OCRL: variants seen among roughly 807,000 people sequenced by gnomAD.
OCRL encodes inositol polyphosphate 5-phosphatase OCRL.
OCRL carries 8 observed loss-of-function variants against 78.9 expected under a neutral mutation model. The ratio of observed to expected loss-of-function variants is 0.10; its 90% confidence interval spans 0.06 to 0.18. The LOEUF is 0.18. Ranked by LOEUF, OCRL falls within the 10% of genes least tolerant of loss-of-function variation. OCRL has a pLI of 1.00. For synonymous variants in OCRL, 240 were observed against 235.4 expected, an observed-to-expected ratio of 1.02 and a Z score of -0.18; for missense variants, 454 against 696.7, an observed-to-expected ratio of 0.65 and a Z score of 3.92.
chrX:129,554,818 C>T (rs1392321624), intron 4 of OCRL, among the ~76,000 whole-genome samples: 2 of 108,648 alleles, frequency 1.8e-5, no homozygotes, highest in South Asian at 4.0e-4. Context: ...TGGGTGTGGT[C>T]GTGCGTGCCT....
chrX:129,587,674 C>T (rs1243772563), intron 20 of OCRL, among the ~76,000 whole-genome samples: 1 of 110,048 alleles, frequency 9.1e-6, no homozygotes, highest in Non-Finnish European at 1.9e-5. Context: ...CCTTCCCCAG[C>T]GTTCAGTAGT....
chrX:129,558,748 T>G lies in OCRL; in HGVS notation c.555T>G (p.Asn185Lys). 1 of 1,212,339 alleles carries G rather than the reference T, an allele frequency of 8.2e-7. No homozygotes were observed. Among genetic ancestry groups the G allele is most frequent in the Non-Finnish European group, 1.1e-6 (1 of 895,577 alleles). The change falls in exon 7 of 24, where the codon AAT becomes AAG. Residue 185 changes from asparagine (N) to lysine (K), a missense_variant. Physicochemically the swap from Asn to Lys is moderately conservative, Grantham distance 94 (BLOSUM62 0). Transcript: ENST00000371113. ...CCCCACCTCCACCCTTTTCAGTGAA[T>G]AAAATGTAAGTCCCATGTGAAAACA... ...REPPPPPFSV[N>K]KMLPREKEAS...
chrX:129,591,403 C>G lies in OCRL; in HGVS notation c.*1133C>G, dbSNP rs1233770526. On this transcript the variant is annotated 3_prime_UTR_variant, in exon 24 of 24. Coordinates refer to ENST00000371113, the MANE Select transcript of OCRL (RefSeq NM_000276.4). ...CCATATCCAGTGTTGTGTAAAGAGA[C>G]TGGCCAACAGGACCAACCAAGCACC... 1.8e-5 allele frequency: 2 copies of G among 112,176 alleles called. No individual in the cohort carries two copies. Among genetic ancestry groups the G allele is most frequent in the Non-Finnish European group, 3.8e-5 (2 of 53,222 alleles). 9.2% of individuals were successfully genotyped at this position (112,176 alleles called of 1,213,427 possible).
At chrX:129,571,121 T>C (rs765367797) in intron 15 of OCRL, among the ~76,000 whole-genome samples, 1 of 112,117 alleles carries the variant, frequency 8.9e-6, no homozygotes, top group African/African-American at 3.2e-5. Context: ...ACAATACCTC[T>C]ATAATTCTAT....
chrX:129,540,796 C>A lies in OCRL; in HGVS notation c.92C>A (p.Thr31Asn). ...KGPLREPCAL[T>N]LAQRNGQYEL... ...CCTCTCCGGGAGCCCTGCGCCCTGA[C>A]CCTAGCCCAGAGGAACGGGCAATAT... The change falls in exon 2 of 24, where the codon ACC becomes AAC. Residue 31 changes from threonine (T) to asparagine (N), a missense_variant. This residue lies in a region of OCRL where 177 missense variants were observed against 179.6 expected (regional missense o/e 0.99). Transcript: ENST00000371113. The A allele has an allele frequency of 8.3e-7, 1 of 1,209,597 alleles. No individual in the cohort carries two copies. Among genetic ancestry groups the A allele is most frequent in the Non-Finnish European group, 1.1e-6 (1 of 893,379 alleles).
chrX:129,568,498 A>G (rs960759908), intron 14 of OCRL, among the ~76,000 whole-genome samples: 13 of 111,836 alleles, frequency 1.2e-4, no homozygotes, highest in African/African-American at 3.9e-4. Context: ...ATGAAGTGAC[A>G]CTGTTAGATC....
rs760928812 is a variant in OCRL, at chrX:129,588,758, A to G, written c.2342-128A>G. On this transcript the variant is annotated intron_variant, in intron 21 of 23. Coordinates refer to ENST00000371113, the MANE Select transcript of OCRL (RefSeq NM_000276.4). ...TGAATCAATAAAATATCAAACCCCCATTAGGATCAATGTGCCCTGAATAAG... is the reference window on the plus strand; with the variant it reads ...TGAATCAATAAAATATCAAACCCCCGTTAGGATCAATGTGCCCTGAATAAG... 558 of 800,161 alleles carry G rather than the reference A, an allele frequency of 7.0e-4. 1 individual carries two copies. Among genetic ancestry groups the G allele is most frequent in the Non-Finnish European group, 9.0e-4 (482 of 535,484 alleles). 65.9% of individuals were successfully genotyped at this position (800,161 alleles called of 1,213,427 possible).
chrX:129,552,215 G>A (rs1170761137), intron 4 of OCRL, among the ~76,000 whole-genome samples: 1 of 111,597 alleles, frequency 9.0e-6, no homozygotes, highest in Non-Finnish European at 1.9e-5. Flanking sequence ...AAGAGAAGCA[G>A]TCAGACTTGA....
intron 22 of OCRL, 111 bp downstream of exon 22, chrX:129,589,124 C>A: frequency 1.2e-6 from 1 of 869,328 alleles, no homozygotes; most frequent in Non-Finnish European, 1.7e-6. Context: ...GGGTCTGCAT[C>A]TGTTATTAAT....
intron 2 of OCRL, 35 bp from the exon 3 acceptor site, chrX:129,544,923 G>T: frequency 1.1e-6 from 1 of 878,267 alleles, no homozygotes; most frequent in East Asian, 3.1e-5. Flanking sequence ...GAGTTTTTCA[G>T]TGGCTGTTCT....
chrX:129,575,522 G>A (rs1388776963), intron 16 of OCRL: 2 of 389,134 alleles, frequency 5.1e-6, no homozygotes, highest in South Asian at 4.2e-5. Context: ...AACAGCACCC[G>A]GCACATAGTA....
intron 19 of OCRL, 176 bp from the exon 20 acceptor site, chrX:129,586,826 G>C (rs1936517023): frequency 1.8e-6 from 1 of 555,199 alleles, no homozygotes; most frequent in Non-Finnish European, 3.3e-6. Flanking sequence ...CTTTAACTAT[G>C]GGACTCGCTA....
chrX:129,544,343 A>G (rs1935849091), intron 2 of OCRL, among the ~76,000 whole-genome samples: 1 of 111,502 alleles, frequency 9.0e-6, no homozygotes, highest in African/African-American at 3.3e-5. Flanking sequence ...ACCAGAGAAG[A>G]AACAAGGGAT....
Position 129,557,939 on chromosome X carries a change from C to T in OCRL, c.428C>T (p.Ser143Phe), listed in dbSNP as rs760751280. 29 of 1,181,416 alleles carry T rather than the reference C, an allele frequency of 2.5e-5. No individual in the cohort carries two copies. The Admixed American group carries it at 4.1e-4, about 17-fold the overall frequency. ...YQKLDTKDKP[S>F]VFSGLLGFED... ...AAATTAGACACTAAGGACAAACCTT[C>T]TGTTTTTTCAGGTACTAAAAAGTTC... Residue 143 changes from serine to phenylalanine, a missense_variant, in exon 6 of 24, where the codon TCT (serine) becomes TTT (phenylalanine). Ser to Phe is a radical substitution (Grantham distance 155). Around this residue, in one of 2 missense-constraint regions of OCRL, gnomAD observed 177 missense variants for 179.6 expected, o/e 0.99. Coordinates refer to ENST00000371113, the MANE Select transcript of OCRL (RefSeq NM_000276.4).
chrX:129,584,332 C>T lies in OCRL; in HGVS notation c.2116-12C>T. Reference sequence around the variant, plus strand: ...GTCTGTCAATGACTTTCTTTTCCTGCTCCGCTCTCAGGAAGAAGACAGCTT... The same window carrying T: ...GTCTGTCAATGACTTTCTTTTCCTGTTCCGCTCTCAGGAAGAAGACAGCTT... On this transcript the variant is annotated splice_polypyrimidine_tract_variant and intron_variant, in intron 18 of 23. Transcript: ENST00000371113. 1 of 1,205,217 alleles carries T rather than the reference C, an allele frequency of 8.3e-7. No homozygotes were observed. The highest frequency in any genetic ancestry group is 3.0e-5 in the East Asian group (1 of 33,825).
Position 129,558,614 on chromosome X carries a change from T to C in OCRL, c.440-19T>C. ...GTTAGATTTTTTCCCCGTTTGACTTTGGGGTCTGTGTCTTTCAGGGCTTCT... is the reference window on the plus strand; with the variant it reads ...GTTAGATTTTTTCCCCGTTTGACTTCGGGGTCTGTGTCTTTCAGGGCTTCT... On this transcript the variant is annotated intron_variant, in intron 6 of 23. Coordinates refer to ENST00000371113, the MANE Select transcript of OCRL (RefSeq NM_000276.4). 1 of 1,211,186 alleles carries C rather than the reference T, an allele frequency of 8.3e-7. No individual in the cohort carries two copies. The highest frequency in any genetic ancestry group is 1.1e-6 in the Non-Finnish European group (1 of 894,973).
intron 12 of OCRL, among the ~76,000 whole-genome samples, chrX:129,564,795 A>G (rs980084356): frequency 4.5e-5 from 5 of 110,663 alleles, no homozygotes; most frequent in Non-Finnish European, 9.5e-5. Context: ...TGGGTGCAGC[A>G]CACCAGCATG....
chrX:129,582,528 G>A (rs1023293408), intron 18 of OCRL, among the ~76,000 whole-genome samples: 19 of 112,076 alleles, frequency 1.7e-4, no homozygotes, highest in African/African-American at 5.8e-4. Context: ...GATATTCATG[G>A]GAGGAAAAAT....
chrX:129,571,578 C>G (rs1014549299), intron 15 of OCRL, among the ~76,000 whole-genome samples: 6 of 109,481 alleles, frequency 5.5e-5, no homozygotes, highest in Admixed American at 4.9e-4. Flanking sequence ...GTGGTCCACC[C>G]GCCTCAGCCT....
Sources: gnomAD v4.1 joint callset for allele counts (sites outside exome capture counted in the v4.1 genomes callset) on GRCh38, gnomAD v4.1.1 for gene constraint, gnomAD v4.1.1 regional missense constraint, MANE v1.5 for transcripts, NCBI Gene and HGNC (gene_info 2026-07-23, HGNC 2026-07-21) for gene names.